Variants in CKMT2 observed in about 807,000 individuals in gnomAD.
CKMT2 encodes creatine kinase, mitochondrial 2, also known as creatine kinase S-type, mitochondrial.
In CKMT2, 43 loss-of-function variants were observed where a neutral mutation model predicts 48.9. The ratio of observed to expected loss-of-function variants is 0.88; its 90% CI spans 0.69 to 1.13. The LOEUF is 1.13. Ranked by LOEUF, CKMT2 falls within the 50% of genes most tolerant of loss-of-function variation. The pLI, the probability that CKMT2 is intolerant of heterozygous loss-of-function variation, is 0.00. For missense variants in CKMT2, 472 were observed against 555.4 expected (o/e 0.85, Z 1.51); for synonymous variants, 206 against 213.0 (o/e 0.97, Z 0.29).
chr5:81,257,957 A>AT (rs1395941965), intron 7 of CKMT2, 101 bp downstream of exon 7: 3 of 1,184,232 alleles, frequency 2.5e-6, no homozygotes, highest in Non-Finnish European at 3.4e-6. Context: ...GATGGAGCTA[A>AT]TTTTTTTCTA....
chr5:81,263,232 A>AT (rs899352872), intron 8 of CKMT2, among the ~76,000 whole-genome samples: 10 of 152,008 alleles, frequency 6.6e-5, no homozygotes, highest in African/African-American at 2.4e-4. Context: ...TTGATGATGG[A>AT]TTGATGGGTG....
chr5:81,251,310 C>T lies in CKMT2; in HGVS notation c.152+26C>T. On this transcript the variant is annotated intron_variant, in intron 2 of 9. Transcript: ENST00000254035. ...GTAAGGGCTCCTGACTTTAAAATAA[C>T]CTCAGGCCAGGCACGGTGGCTCATG... 3.1e-6 allele frequency: 5 copies of T among 1,611,772 alleles called. No homozygotes were observed. The African/African-American group carries it at 5.3e-5, about 17-fold the overall frequency.
intron 7 of CKMT2, among the ~76,000 whole-genome samples, chr5:81,258,317 C>T (rs570583771): frequency 3.3e-5 from 5 of 152,302 alleles, no homozygotes; most frequent in South Asian, 4.1e-4. Context: ...AAAGCTATTA[C>T]GCTTACTTCC....
At chr5:81,242,483 C>A in intron 1 of CKMT2, 1 of 498,408 alleles carries the variant, frequency 2.0e-6, no homozygotes, top group Admixed American at 2.2e-5. Context: ...CCCCTAGTTT[C>A]TTGTCATCAA....
chr5:81,259,116 G>C lies in CKMT2; in HGVS notation c.880-4G>C, dbSNP rs1561286559. On this transcript the variant is annotated splice_polypyrimidine_tract_variant and splice_region_variant and intron_variant, in intron 7 of 9. Coordinates refer to ENST00000254035, the MANE Select transcript of CKMT2 (RefSeq NM_001099735.2). ...TCATTTGTTCACTGTGGTTCTACTT[G>C]TAGGTAGAACGGTTAATCCAAGAAC... 1 of 1,611,330 alleles carries C rather than the reference G, an allele frequency of 6.2e-7. No individual in the cohort carries two copies. Among genetic ancestry groups the C allele is most frequent in the African/African-American group, 1.3e-5 (1 of 75,002 alleles).
At chr5:81,260,870 C>A (rs1305721524) in intron 8 of CKMT2, among the ~76,000 whole-genome samples, 1 of 152,182 alleles carries the variant, frequency 6.6e-6, no homozygotes, top group African/African-American at 2.4e-5. Context: ...TTGTATGAGG[C>A]CAGCATCATC....
chr5:81,257,649 A>C, intron 6 of CKMT2, 84 bp from the exon 7 acceptor site: 1 of 1,243,110 alleles, frequency 8.0e-7, no homozygotes, highest in Non-Finnish European at 1.1e-6. Context: ...GAAATGAAGC[A>C]ATCAAGCTAG....
intron 1 of CKMT2, among the ~76,000 whole-genome samples, chr5:81,240,439 C>T (rs182826011): frequency 2.0e-5 from 3 of 152,250 alleles, no homozygotes; most frequent in African/African-American, 7.2e-5. Flanking sequence ...ACGGCATCCA[C>T]AGTCCTCCAT....
intron 1 of CKMT2, among the ~76,000 whole-genome samples, chr5:81,245,969 T>C (rs1027138337): frequency 6.6e-6 from 1 of 152,046 alleles, no homozygotes; most frequent in African/African-American, 2.4e-5. Context: ...TCCAAACCAT[T>C]AGCACGACCT....
chr5:81,249,238 T>C (rs1756718806), intron 1 of CKMT2, among the ~76,000 whole-genome samples: 1 of 152,142 alleles, frequency 6.6e-6, no homozygotes, highest in South Asian at 2.1e-4. Context: ...TTTGTAATTT[T>C]AGTAGAGACA....
chr5:81,251,045 A>T, intron 1 of CKMT2, 68 bp from the exon 2 acceptor site: 1 of 1,253,792 alleles, frequency 8.0e-7, no homozygotes. Context: ...TCTCTTGCCC[A>T]TTGACCCCTA....
intron 7 of CKMT2, among the ~76,000 whole-genome samples, chr5:81,258,243 A>AT (rs1757085505): frequency 6.6e-6 from 1 of 152,174 alleles, no homozygotes. Flanking sequence ...GCCTCAAGGC[A>AT]TTTTTTGGAG....
rs1162546138 is a variant in CKMT2 at position 81,266,194 on chromosome 5, A to G, written c.1196A>G (p.Lys399Arg). The G allele has an allele frequency of 1.2e-6, 2 of 1,613,330 alleles. No individual in the cohort carries two copies. The highest frequency in any genetic ancestry group is 3.3e-5 in the Admixed American group (2 of 59,994). Residue 399 changes from lysine (K) to arginine (R), a missense_variant, in exon 10 of 10, where the codon AAG becomes AGG. Lys to Arg is a conservative substitution (Grantham distance 26). Coordinates refer to ENST00000254035, the MANE Select transcript of CKMT2 (RefSeq NM_001099735.2). ...DGVNYLVDCE[K>R]KLERGQDIKV... ...GTCAATTACCTGGTGGATTGTGAAA[A>G]GAAGTTGGAGAGAGGCCAAGATATT...
intron 1 of CKMT2, among the ~76,000 whole-genome samples, chr5:81,248,732 T>C (rs1025372329): frequency 2.0e-5 from 3 of 152,230 alleles, no homozygotes; most frequent in Admixed American, 6.5e-5. Flanking sequence ...GAAGAACTAA[T>C]AATCTGATTT....
intron 5 of CKMT2, among the ~76,000 whole-genome samples, chr5:81,256,396 A>AGCCTGTAATCTAGAGCC (rs1348632544): frequency 6.6e-6 from 1 of 152,202 alleles, no homozygotes; most frequent in Non-Finnish European, 1.5e-5. Context: ...AGGAAATAAA[A>AGCCTGTAATCTAGAGCC]GCCTGTAATC....
At chr5:81,254,929 ACTGTGG>A in intron 4 of CKMT2, 58 bp from the exon 5 acceptor site, 1 of 1,364,538 alleles carries the variant, frequency 7.3e-7, no homozygotes, top group East Asian at 2.3e-5. Context: ...ATTAGAACCC[ACTGTGG>A]CTGTGGCAGG....
At chr5:81,260,761 T>A (rs1427704007) in intron 8 of CKMT2, among the ~76,000 whole-genome samples, 1 of 152,192 alleles carries the variant, frequency 6.6e-6, no homozygotes, top group Non-Finnish European at 1.5e-5. Flanking sequence ...ACCAGACAGA[T>A]GCACAGCTGA....
chr5:81,248,216 A>AAAAATAGGGACC (rs1045591026), intron 1 of CKMT2, among the ~76,000 whole-genome samples: 1 of 152,202 alleles, frequency 6.6e-6, no homozygotes, highest in Non-Finnish European at 1.5e-5. Context: ...TTAAGGAATG[A>AAAAATAGGGACC]AAAATAGGGA....
At chr5:81,253,778 CTTTTAACAATTTTT>C (rs1756903266) in intron 3 of CKMT2, among the ~76,000 whole-genome samples, 1 of 152,198 alleles carries the variant, frequency 6.6e-6, no homozygotes, top group African/African-American at 2.4e-5. Flanking sequence ...GTTACAACTT[CTTTTAACAATTTTT>C]TTTTAACATA....
Sources: allele counts gnomAD v4.1 joint callset (sites outside exome capture counted in the v4.1 genomes callset), GRCh38; gene constraint gnomAD v4.1.1; transcripts MANE v1.5; gene names NCBI Gene and HGNC (gene_info 2026-07-23, HGNC 2026-07-21).